Variants in EPM2A observed in about 807,000 individuals in gnomAD.
The protein encoded by EPM2A is laforin.
Under a neutral mutation model 26.5 loss-of-function variants are expected in EPM2A, and 21 were observed. That is an observed-to-expected ratio of 0.79 (90% CI 0.56 to 1.14). The LOEUF (loss-of-function observed/expected upper bound fraction) is 1.14, where lower values mean the gene tolerates loss of function less well. EPM2A is among the 50% of genes most tolerant of loss of function. The pLI is 0.00. For synonymous variants in EPM2A, 217 were observed against 177.6 expected (o/e 1.22, Z -1.76); for missense variants, 458 against 440.8 (o/e 1.04, Z -0.35).
At chr6:145,417,869 GATATA>G (rs1180117215) in intron 4 of EPM2A, among the ~76,000 whole-genome samples, 1 of 151,996 alleles carries the variant, frequency 6.6e-6, no homozygotes, top group East Asian at 1.9e-4. Context: ...GCAGCTCTTT[GATATA>G]ACAGCTTCCA....
At position 145,398,766 on chromosome 6, in the gene EPM2A, G is replaced by A. The variant is rs528255976; in HGVS notation, c.556-14669C>T. On this transcript the variant is annotated intron_variant, in intron 4 of 4. Transcript: ENST00000638717. ...TCCCAGCTACTTGGGAGGCTGAGGC[G>A]GGAGAATCACTTTAACCCAGAAGGG... Among the ~76,000 whole-genome samples the A allele has an allele frequency of 1.7e-4, 26 of 151,746 alleles. No individual in the cohort carries two copies. In the South Asian group the frequency reaches 5.4e-3, roughly 32 times the overall value.
intron 2 of EPM2A, among the ~76,000 whole-genome samples, chr6:145,533,810 A>C (rs185468486): frequency 4.6e-4 from 70 of 152,058 alleles, no homozygotes; most frequent in African/African-American, 1.5e-3. Flanking sequence ...CACATCACTT[A>C]TTTCTTTCTG....
chr6:145,618,973 G>A (rs1017315071), intron 2 of EPM2A, among the ~76,000 whole-genome samples: 7 of 152,166 alleles, frequency 4.6e-5, no homozygotes, highest in East Asian at 3.8e-4. Flanking sequence ...CCAGGTCAGC[G>A]TGGACAGAGG....
chr6:145,431,587 G>A (rs1778922185), intron 4 of EPM2A, among the ~76,000 whole-genome samples: 1 of 152,134 alleles, frequency 6.6e-6, no homozygotes, highest in Admixed American at 6.5e-5. Flanking sequence ...TATTTTAAAA[G>A]TACTTTATTG....
intron 2 of EPM2A, among the ~76,000 whole-genome samples, chr6:145,581,458 G>A (rs369085115): frequency 2.8e-4 from 43 of 151,898 alleles, no homozygotes; most frequent in Non-Finnish European, 5.2e-4. Context: ...GTATTTACTC[G>A]GTTGATAGTT....
chr6:145,476,845 A>T (rs534118951), intron 4 of EPM2A, among the ~76,000 whole-genome samples: 1 of 152,126 alleles, frequency 6.6e-6, no homozygotes, highest in Non-Finnish European at 1.5e-5. Flanking sequence ...TACATCAAAA[A>T]GAAGAAAAAC....
At chr6:145,556,652 T>C (rs1282795471) in intron 2 of EPM2A, among the ~76,000 whole-genome samples, 1 of 152,114 alleles carries the variant, frequency 6.6e-6, no homozygotes, top group African/African-American at 2.4e-5. Flanking sequence ...CCTGGAAAAC[T>C]TTGAGAAGCA....
At position 145,554,651 on chromosome 6, in the gene EPM2A, C is replaced by T. The variant is rs529814887; in HGVS notation, c.341-52076G>A. ...GTTCTGGCAAGGGCTTCCTTGCTTTCTCCTGATATAGCAGAAGGCATCACA... is the reference window on the plus strand; with the variant it reads ...GTTCTGGCAAGGGCTTCCTTGCTTTTTCCTGATATAGCAGAAGGCATCACA... On this transcript the variant is annotated intron_variant, in intron 2 of 3. Transcript: ENST00000450221. Among the ~76,000 whole-genome samples the T allele has an allele frequency of 2.0e-5, 3 of 152,156 alleles. No homozygotes were observed. The East Asian group carries it at 5.8e-4, about 30-fold the overall frequency.
At chr6:145,448,738 C>A (rs1192427293) in intron 4 of EPM2A, among the ~76,000 whole-genome samples, 1 of 152,078 alleles carries the variant, frequency 6.6e-6, no homozygotes, top group East Asian at 1.9e-4. Flanking sequence ...ATCTTATTTA[C>A]TTAAATAGGA....
chr6:145,696,649 G>A (rs950939021), intron 1 of EPM2A, among the ~76,000 whole-genome samples: 40 of 152,120 alleles, frequency 2.6e-4, no homozygotes, highest in African/African-American at 8.4e-4. Flanking sequence ...AGAGATAACA[G>A]GGTTTTCTAA....
chr6:145,719,430 C>G (rs1775827561), intron 1 of EPM2A, among the ~76,000 whole-genome samples: 1 of 143,932 alleles, frequency 6.9e-6, no homozygotes. Flanking sequence ...AATGAGAACA[C>G]ATGGACACAG....
chr6:145,654,959 G>C (rs1292970843), intron 2 of EPM2A, among the ~76,000 whole-genome samples: 1 of 151,792 alleles, frequency 6.6e-6, no homozygotes, highest in East Asian at 1.9e-4. Flanking sequence ...TCTATTTCCT[G>C]CCCTAGACTG....
rs1781152956 is a variant in EPM2A at position 145,689,712 on chromosome 6, C to G, written c.302-3416G>C. Among the ~76,000 whole-genome samples, 3 of 152,348 alleles carry G rather than the reference C, an allele frequency of 2.0e-5. No homozygotes were observed. The South Asian group carries it at 6.2e-4, about 32-fold the overall frequency. On this transcript the variant is annotated intron_variant, in intron 1 of 3. Coordinates refer to ENST00000367519, the MANE Select transcript of EPM2A (RefSeq NM_005670.4). ...GAAAAAATGTGGCCCCACACCCACT[C>G]AGGCCAGCAAAGGCCAAGCATGGGT...
At chr6:145,390,871 T>G (rs1370200715) in intron 4 of EPM2A, among the ~76,000 whole-genome samples, 2 of 152,128 alleles carry the variant, frequency 1.3e-5, no homozygotes, top group Non-Finnish European at 2.9e-5. Context: ...TCACCTTCTT[T>G]CCATCTCAAT....
chr6:145,398,743 C>CATA (rs1778441245), intron 4 of EPM2A, among the ~76,000 whole-genome samples: 2 of 151,988 alleles, frequency 1.3e-5, no homozygotes, highest in South Asian at 4.2e-4. Flanking sequence ...GCTTGTAGTC[C>CATA]CAGCTACTTG....
intron 3 of EPM2A, chr6:145,629,916 A>G (rs547310425): frequency 4.6e-5 from 7 of 152,382 alleles, no homozygotes; most frequent in Admixed American, 2.0e-4. Flanking sequence ...TGCATACAAC[A>G]TCAGTGTAAC....
chr6:145,597,308 A>T (rs1781359272), intron 2 of EPM2A, among the ~76,000 whole-genome samples: 1 of 152,194 alleles, frequency 6.6e-6, no homozygotes, highest in African/African-American at 2.4e-5. Flanking sequence ...TAGAGACTTT[A>T]TGATTCTGAA....
At chr6:145,441,296 A>G (rs1330662663) in intron 4 of EPM2A, among the ~76,000 whole-genome samples, 2 of 152,220 alleles carry the variant, frequency 1.3e-5, no homozygotes, top group African/African-American at 4.8e-5. Flanking sequence ...CCAAGTCCCT[A>G]AACTGCACAC....
chr6:145,708,607 C>G (rs918093913), intron 1 of EPM2A, among the ~76,000 whole-genome samples: 1 of 152,210 alleles, frequency 6.6e-6, no homozygotes, highest in Non-Finnish European at 1.5e-5. Flanking sequence ...TTGGGAACCT[C>G]CACCTAGATT....
Sources: allele counts gnomAD v4.1 joint callset (sites outside exome capture counted in the v4.1 genomes callset), GRCh38; gene constraint gnomAD v4.1.1; transcripts MANE v1.5; gene names NCBI Gene and HGNC (gene_info 2026-07-23, HGNC 2026-07-21).